TM4SF20: variants seen among roughly 807,000 people sequenced by gnomAD.
The protein encoded by TM4SF20 is transmembrane 4 L6 family member 20.
A neutral mutation model predicts 15.1 loss-of-function variants in TM4SF20; 13 were observed. The observed-to-expected ratio is 0.86, with a 90% CI of 0.56 to 1.36. The LOEUF is 1.36. TM4SF20 is among the 40% of genes most tolerant of loss of function. The probability of loss-of-function intolerance (pLI) is 0.00; values close to 1 mark genes in which losing one functional copy is unlikely to be tolerated. For missense variants in TM4SF20, 282 were observed against 268.4 expected (o/e 1.05, Z -0.35); for synonymous variants, 92 against 96.6 (o/e 0.95, Z 0.28).
intron 1 of TM4SF20, among the ~76,000 whole-genome samples, chr2:227,375,791 C>T (rs759481828): frequency 1.3e-5 from 2 of 152,114 alleles, no homozygotes; most frequent in Non-Finnish European, 2.9e-5. Flanking sequence ...GCCTGGCCAG[C>T]TTTCAACAAT....
At chr2:227,373,626 G>C (rs2076431784) in intron 1 of TM4SF20, among the ~76,000 whole-genome samples, 1 of 152,064 alleles carries the variant, frequency 6.6e-6, no homozygotes, top group Non-Finnish European at 1.5e-5. Flanking sequence ...TGCACCAAGA[G>C]TAGAGTTAAA....
intron 2 of TM4SF20, among the ~76,000 whole-genome samples, chr2:227,367,297 T>A (rs1185320330): frequency 6.6e-6 from 1 of 152,166 alleles, no homozygotes; most frequent in Non-Finnish European, 1.5e-5. Flanking sequence ...ACATCTTTAT[T>A]TCGTGAGTCA....
chr2:227,364,383 A>AT (rs2076380233), intron 3 of TM4SF20, among the ~76,000 whole-genome samples: 2 of 143,446 alleles, frequency 1.4e-5, no homozygotes, highest in Admixed American at 6.8e-5. Flanking sequence ...AGCCTCCCCT[A>AT]CCCCCCGCCA....
chr2:227,371,861 T>C (rs530884871), intron 1 of TM4SF20, among the ~76,000 whole-genome samples: 1 of 152,234 alleles, frequency 6.6e-6, no homozygotes, highest in Non-Finnish European at 1.5e-5. Flanking sequence ...ATGATCTCAC[T>C]TTATATATTG....
upstream of TM4SF20, chr2:227,379,397 C>G (rs2106497888): frequency 1.4e-6 from 1 of 718,798 alleles, no homozygotes; most frequent in East Asian, 2.6e-5. Flanking sequence ...AGTTCAGAGT[C>G]CAATAGGGTA....
At chr2:227,377,148 T>C (rs1293082277) in intron 1 of TM4SF20, among the ~76,000 whole-genome samples, 1 of 152,220 alleles carries the variant, frequency 6.6e-6, no homozygotes, top group African/African-American at 2.4e-5. Context: ...ATGGGATTTG[T>C]GGCAGAGCCA....
At chr2:227,370,827 G>T in intron 2 of TM4SF20, 88 bp downstream of exon 2, 1 of 1,039,934 alleles carries the variant, frequency 9.6e-7, no homozygotes, top group Non-Finnish European at 1.5e-6. Context: ...CTGTGATTCG[G>T]TAGATGCGAG....
At chr2:227,373,556 A>G (rs1385807080) in intron 1 of TM4SF20, among the ~76,000 whole-genome samples, 1 of 152,190 alleles carries the variant, frequency 6.6e-6, no homozygotes, top group Non-Finnish European at 1.5e-5. Context: ...TCTTGTAAAT[A>G]AAGTTTTATT....
In TM4SF20 at chr2:227,362,899, T is replaced by C. The variant is rs1190023757; in HGVS notation, c.*825A>G. 3 of 152,188 alleles carry C rather than the reference T, an allele frequency of 2.0e-5. No homozygotes were observed. Among genetic ancestry groups the C allele is most frequent in the African/African-American group, 7.2e-5 (3 of 41,442 alleles). The allele number at this position is 152,188 out of a possible 1,614,324, so 9.4% of individuals were successfully genotyped here. A position where few individuals can be genotyped will look rare whatever the true frequency, so the allele number is the denominator to read the frequency against. ...CTCCTCCCAATTATCTCTGACAAAG[T>C]TTACATGTGTTTAGCTGAAACATGC... is the stretch of plus-strand genomic sequence containing the variant. On this transcript the variant is annotated 3_prime_UTR_variant, in exon 4 of 4. Coordinates refer to ENST00000304568, the MANE Select transcript of TM4SF20 (RefSeq NM_024795.4).
chr2:227,367,542 G>A (rs1428012911), intron 2 of TM4SF20, among the ~76,000 whole-genome samples: 1 of 152,066 alleles, frequency 6.6e-6, no homozygotes, highest in East Asian at 1.9e-4. Context: ...CTTTTGTATT[G>A]TTTCAGTGAA....
At chr2:227,371,869 T>C (rs2076422878) in intron 1 of TM4SF20, among the ~76,000 whole-genome samples, 1 of 152,188 alleles carries the variant, frequency 6.6e-6, no homozygotes, top group African/African-American at 2.4e-5. Flanking sequence ...ACTTTATATA[T>C]TGATGCTCAG....
chr2:227,365,789 A>AT (rs1401707942), intron 3 of TM4SF20, among the ~76,000 whole-genome samples: 1 of 152,094 alleles, frequency 6.6e-6, no homozygotes, highest in Non-Finnish European at 1.5e-5. Flanking sequence ...TATTTGCATA[A>AT]TTTTTTAATA....
intron 1 of TM4SF20, among the ~76,000 whole-genome samples, chr2:227,378,269 G>A (rs2076461611): frequency 6.6e-6 from 1 of 152,150 alleles, no homozygotes. Flanking sequence ...GTGGTATATG[G>A]GAGGCAGAAC....
At chr2:227,378,907 T>A (rs762265013) in intron 1 of TM4SF20, among the ~76,000 whole-genome samples, 179 bp downstream of exon 1, 3 of 152,230 alleles carry the variant, frequency 2.0e-5, no homozygotes, top group Non-Finnish European at 2.9e-5. Context: ...TACCACATAG[T>A]GTACTTTATT....
At chr2:227,379,814 G>C (rs561613272), upstream of TM4SF20, among the ~76,000 whole-genome samples, 17 of 152,328 alleles carry the variant, frequency 1.1e-4, no homozygotes, top group African/African-American at 4.1e-4. Flanking sequence ...TTTAGAGATA[G>C]CCCACCTAAG....
chr2:227,366,280 G>A (rs767340260), intron 2 of TM4SF20, 36 bp from the exon 3 acceptor site: 3 of 1,581,612 alleles, frequency 1.9e-6, no homozygotes, highest in Non-Finnish European at 1.7e-6. Flanking sequence ...CACATGTTAT[G>A]ACATGTTCTT....
At chr2:227,378,999 T>TTA (rs1230886997) in intron 1 of TM4SF20, 87 bp downstream of exon 1, 6 of 1,340,230 alleles carry the variant, frequency 4.5e-6, no homozygotes, top group Non-Finnish European at 6.2e-6. Flanking sequence ...CAAGACATAG[T>TTA]TAACTGCAAG....
At chr2:227,369,851 G>A (rs1001897792) in intron 2 of TM4SF20, among the ~76,000 whole-genome samples, 1 of 152,206 alleles carries the variant, frequency 6.6e-6, no homozygotes, top group Non-Finnish European at 1.5e-5. Flanking sequence ...TAATAGCCAT[G>A]TTCATGGTAT....
Position 227,374,083 on chromosome 2 carries a change from C to A in TM4SF20, c.184-3103G>T, listed in dbSNP as rs1250264221. Among the ~76,000 whole-genome samples the A allele has an allele frequency of 1.1e-4, 12 of 113,818 alleles. No homozygotes were observed. In the Admixed American group the frequency reaches 1.2e-3, roughly 11 times the overall value. The allele number at this position is 113,818 out of a possible 152,430, so 74.7% of individuals were successfully genotyped here. On this transcript the variant is annotated intron_variant, in intron 1 of 3. Transcript: ENST00000304568. Reference sequence around the variant, plus strand: ...CCAGCCTAGATGACAAAGTGAGACCCTGTCTAAAAAAAAAAAAAAAAAAAA... The same window carrying A: ...CCAGCCTAGATGACAAAGTGAGACCATGTCTAAAAAAAAAAAAAAAAAAAA...
Sources: gnomAD v4.1 joint callset for allele counts (sites outside exome capture counted in the v4.1 genomes callset) on GRCh38, gnomAD v4.1.1 for gene constraint, MANE v1.5 for transcripts, NCBI Gene and HGNC (gene_info 2026-07-23, HGNC 2026-07-21) for gene names.